The following PCDH15 variants were observed in gnomAD, a reference collection of about 807,000 sequenced individuals.
PCDH15 encodes the protein protocadherin-15.
PCDH15 carries 129 observed loss-of-function variants against 178.5 expected under a neutral mutation model. The ratio of observed to expected loss-of-function variants is 0.72; its 90% CI spans 0.63 to 0.84. The LOEUF (loss-of-function observed/expected upper bound fraction) is 0.84. Ranked by LOEUF, PCDH15 falls within the 40% of genes least tolerant of loss-of-function variation. The probability of loss-of-function intolerance (pLI) is 0.00; values close to 1 mark genes in which losing one functional copy is unlikely to be tolerated. For missense variants in PCDH15, 2,230 were observed against 2,099.9 expected, an observed-to-expected ratio of 1.06 and a Z score of -1.21; for synonymous variants, 800 against 732.0, an observed-to-expected ratio of 1.09 and a Z score of -1.50.
chr10:53,817,711 A>C (rs2132442672), intron 34 of PCDH15, among the ~76,000 whole-genome samples: 1 of 151,986 alleles, frequency 6.6e-6, no homozygotes, highest in South Asian at 2.1e-4. Context: ...TAGACAAATA[A>C]ATTTTGGGGA....
chr10:55,158,022 C>T (rs11004762), intron 2 of PCDH15, among the ~76,000 whole-genome samples: 1 of 150,956 alleles, frequency 6.6e-6, no homozygotes, highest in African/African-American at 2.4e-5. Flanking sequence ...TTATTATGCT[C>T]TATAGTTCCA....
At chr10:55,570,553 T>C (rs1053607646) in intron 2 of PCDH15, among the ~76,000 whole-genome samples, 5 of 152,038 alleles carry the variant, frequency 3.3e-5, no homozygotes, top group African/African-American at 1.2e-4. Flanking sequence ...ACAGTGTCAG[T>C]CAATGAGAAA....
At chr10:55,438,931 C>T (rs2132066196) in intron 2 of PCDH15, among the ~76,000 whole-genome samples, 1 of 151,520 alleles carries the variant, frequency 6.6e-6, no homozygotes, top group South Asian at 2.1e-4. Flanking sequence ...CAGAGTCTCC[C>T]ACTGTCACCC....
At chr10:54,163,370 C>T (rs1160900187) in intron 13 of PCDH15, among the ~76,000 whole-genome samples, 1 of 151,754 alleles carries the variant, frequency 6.6e-6, no homozygotes, top group Non-Finnish European at 1.5e-5. Flanking sequence ...TTACAGAAGG[C>T]AAAGGAGAAG....
chr10:54,217,194 T>C (rs2052183654), intron 9 of PCDH15, among the ~76,000 whole-genome samples: 1 of 152,118 alleles, frequency 6.6e-6, no homozygotes, highest in African/African-American at 2.4e-5. Flanking sequence ...ATATGTTATA[T>C]ATTATTATAA....
intron 23 of PCDH15, among the ~76,000 whole-genome samples, chr10:53,943,530 CTA>C (rs1397655506): frequency 2.0e-5 from 3 of 151,866 alleles, no homozygotes; most frequent in African/African-American, 7.3e-5. Flanking sequence ...AAGAAAAATG[CTA>C]TGTCTTCTTT....
At chr10:54,720,156 A>G (rs1409142877) in intron 1 of PCDH15, among the ~76,000 whole-genome samples, 1 of 152,108 alleles carries the variant, frequency 6.6e-6, no homozygotes, top group Non-Finnish European at 1.5e-5. Flanking sequence ...AGGATATAGA[A>G]CCAGAAATGC....
chr10:55,021,107 C>T (rs541574002), intron 2 of PCDH15, among the ~76,000 whole-genome samples: 1 of 152,180 alleles, frequency 6.6e-6, no homozygotes, highest in Non-Finnish European at 1.5e-5. Flanking sequence ...TTCTTAACTT[C>T]GGCAAATAAA....
intron 13 of PCDH15, 134 bp from the exon 14 acceptor site, chr10:54,153,427 T>A: frequency 1.2e-6 from 1 of 850,162 alleles, no homozygotes; most frequent in Middle Eastern, 3.5e-4. Context: ...ATATACTGTT[T>A]TTTGTTTTTT....
chr10:54,451,648 A>G (rs1234555672), intron 3 of PCDH15, among the ~76,000 whole-genome samples: 1 of 151,970 alleles, frequency 6.6e-6, no homozygotes, highest in African/African-American at 2.4e-5. Flanking sequence ...TACATTTACC[A>G]AAATCTAATA....
At chr10:54,804,229 C>CG (rs1952737602), upstream of PCDH15, among the ~76,000 whole-genome samples, 1 of 151,740 alleles carries the variant, frequency 6.6e-6, no homozygotes, top group African/African-American at 2.4e-5. Context: ...TTAGTAGAGA[C>CG]GGGGTTTCAC....
chr10:55,314,220 T>TAC (rs1484734960), intron 1 of PCDH15, among the ~76,000 whole-genome samples: 1 of 148,414 alleles, frequency 6.7e-6, no homozygotes, highest in Non-Finnish European at 1.5e-5. Context: ...TATATATATA[T>TAC]GTAATGATAA....
At chr10:54,557,445 C>T (rs1174956427) in intron 2 of PCDH15, among the ~76,000 whole-genome samples, 1 of 152,140 alleles carries the variant, frequency 6.6e-6, no homozygotes, top group Non-Finnish European at 1.5e-5. Flanking sequence ...AAAGAGAACT[C>T]TAGATAATTT....
At chr10:55,582,628 A>ATTTTTTTTT (rs1554800566) in intron 2 of PCDH15, among the ~76,000 whole-genome samples, 7 of 69,036 alleles carry the variant, frequency 1.0e-4, no homozygotes, top group Admixed American at 2.1e-4. Context: ...ATATATATAT[A>ATTTTTTTTT]TTTTTTTTTT....
At chr10:54,340,324 G>A (rs1008398867) in intron 6 of PCDH15, among the ~76,000 whole-genome samples, 13 of 152,050 alleles carry the variant, frequency 8.5e-5, no homozygotes, top group Admixed American at 2.6e-4. Flanking sequence ...CACAACAGCA[G>A]GGGCAGAGAA....
chr10:54,343,660 G>A (rs1857132), intron 6 of PCDH15, among the ~76,000 whole-genome samples: 38,199 of 141,578 alleles, frequency 0.27, 5,621 homozygotes, highest in African/African-American at 0.4. Context: ...GAGGTGGGAG[G>A]GGAGAGGGAC....
intron 2 of PCDH15, among the ~76,000 whole-genome samples, chr10:54,661,808 G>T (rs2094497336): frequency 6.6e-6 from 1 of 151,880 alleles, no homozygotes; most frequent in Admixed American, 6.6e-5. Context: ...ATTGGGGAAA[G>T]GTCACCCTAT....
At chr10:54,055,896 T>C (rs541463017) in intron 18 of PCDH15, among the ~76,000 whole-genome samples, 1 of 152,320 alleles carries the variant, frequency 6.6e-6, no homozygotes, top group South Asian at 2.1e-4. Flanking sequence ...TCACAGAACA[T>C]TAGTTGAGAA....
intron 2 of PCDH15, among the ~76,000 whole-genome samples, chr10:55,487,673 T>C (rs1370868293): frequency 2.6e-5 from 4 of 151,642 alleles, no homozygotes; most frequent in Non-Finnish European, 5.9e-5. Flanking sequence ...GATGGCACAA[T>C]AACATGCAAT....
Sources: gnomAD v4.1 joint callset for allele counts (sites outside exome capture counted in the v4.1 genomes callset) on GRCh38, gnomAD v4.1.1 for gene constraint, MANE v1.5 for transcripts, NCBI Gene and HGNC (gene_info 2026-07-23, HGNC 2026-07-21) for gene names.